Variants in KDM5C observed in about 807,000 individuals in gnomAD.
KDM5C encodes the protein lysine demethylase 5C.
In KDM5C, 16 loss-of-function variants were observed where a neutral mutation model predicts 110.6. The ratio of observed to expected loss-of-function variants is 0.14; its 90% CI spans 0.10 to 0.22. KDM5C has a LOEUF of 0.22. Among genes scored for constraint, KDM5C ranks in the 10% least tolerant of loss-of-function variants. The pLI is 1.00. For missense variants in KDM5C, 681 were observed against 1,300.9 expected, an observed-to-expected ratio of 0.52 and a Z score of 7.33; for synonymous variants, 511 against 520.4, an observed-to-expected ratio of 0.98 and a Z score of 0.24.
In KDM5C at chrX:53,195,414, A is replaced by C. The variant is rs1934761508; in HGVS notation, c.3121-4T>G. 4.2e-6 allele frequency: 5 copies of C among 1,199,747 alleles called. No homozygotes were observed. The African/African-American group carries it at 8.8e-5, about 21-fold the overall frequency. On this transcript the variant is annotated splice_region_variant and splice_polypyrimidine_tract_variant and intron_variant, in intron 20 of 25. Transcript: ENST00000375401. ...GGCAGGGGTAGTGGTCACCATTCTAAGGCCAAGGGCGAGAGACAGCTCAGT... is the reference window on the plus strand; with the variant it reads ...GGCAGGGGTAGTGGTCACCATTCTACGGCCAAGGGCGAGAGACAGCTCAGT...
In KDM5C at chrX:53,192,366, G is replaced by A. The variant is rs782530738; in HGVS notation, c.*601C>T. 1.6e-5 allele frequency: 3 copies of A among 183,555 alleles called. No homozygotes were observed. Among genetic ancestry groups the A allele is most frequent in the African/African-American group, 5.9e-5 (2 of 33,666 alleles). The allele number at this position is 183,555 out of a possible 1,213,427, so 15.1% of individuals were successfully genotyped here. ...GGGGAGGACAGGGAGGGAGGACTGA[G>A]GTGGTTGTGAGGACAAGCACCAAAA... On this transcript the variant is annotated 3_prime_UTR_variant, in exon 26 of 26. Coordinates refer to ENST00000375401, the MANE Select transcript of KDM5C (RefSeq NM_004187.5).
chrX:53,182,419 CAT>C (rs1262710938), intron 25 of KDM5C, among the ~76,000 whole-genome samples: 1 of 106,700 alleles, frequency 9.4e-6, no homozygotes, highest in Non-Finnish European at 1.9e-5. Context: ...CTATATATAA[CAT>C]AAAAATTTCT....
chrX:53,211,826 G>A lies in KDM5C; in HGVS notation c.1203C>T (p.Ala401=), dbSNP rs782716338. 7.0e-5 allele frequency: 85 copies of A among 1,209,147 alleles called. No individual in the cohort carries two copies. The highest frequency in any genetic ancestry group is 5.8e-4 in the South Asian group (33 of 56,612). ...EYTLQSFGEM[A]DSFKADYFNM... ...TGAAGTAGTCAGCTTTAAAGGAGTC[G>A]GCCATCTCGCCAAAGCTCTGCAGAG... Residue 401 remains alanine, a synonymous_variant, in exon 9 of 26, where the codon GCC becomes GCT. Coordinates refer to ENST00000375401, the MANE Select transcript of KDM5C (RefSeq NM_004187.5).
chrX:53,201,648 G>T lies in KDM5C; in HGVS notation c.1963C>A (p.Pro655Thr). 1 of 1,211,845 alleles carries T rather than the reference G, an allele frequency of 8.3e-7. No homozygotes were observed. The highest frequency in any genetic ancestry group is 1.1e-6 in the Non-Finnish European group (1 of 895,405). The change falls in exon 14 of 26, where the codon CCA (proline) becomes ACA (threonine). Residue 655 changes from proline (P) to threonine (T), a missense_variant. Physicochemically the swap from Pro to Thr is conservative, Grantham distance 38. Coordinates refer to ENST00000375401, the MANE Select transcript of KDM5C (RefSeq NM_004187.5). ...GCCAGGTTCAGGTCTAGCTTCTCTGGGCAGGCAGCCATCTTGCAGATAAGC... is the reference window on the plus strand; with the variant it reads ...GCCAGGTTCAGGTCTAGCTTCTCTGTGCAGGCAGCCATCTTGCAGATAAGC... ...EELICKMAAC[P>T]EKLDLNLAAA...
In KDM5C at chrX:53,193,856, G is replaced by A. The variant is rs782695628; in HGVS notation, c.4039-5C>T. The A allele has an allele frequency of 1.6e-5, 19 of 1,205,241 alleles. No individual in the cohort carries two copies. The highest frequency in any genetic ancestry group is 1.9e-5 in the Non-Finnish European group (17 of 889,946). On this transcript the variant is annotated splice_polypyrimidine_tract_variant and splice_region_variant and intron_variant, in intron 23 of 25. Transcript: ENST00000375401. ...ATTCTCCAGTAAGCCCTGGACCTGC[G>A]GAGGAGAGCAAGAATAGGTAGGGGC...
In KDM5C at chrX:53,196,586, G is replaced by A. The variant is rs1324845490; in HGVS notation, c.2981+100C>T. On this transcript the variant is annotated intron_variant, in intron 19 of 25. Transcript: ENST00000375401. ...GGAGAGTCAATACAGTAACACAGGA[G>A]CGTGATACCTAAGGCCACCCATGGG... The A allele has an allele frequency of 1.8e-5, 12 of 654,169 alleles. No individual in the cohort carries two copies. The Middle Eastern group carries it at 9.3e-4, about 50-fold the overall frequency. 53.9% of individuals were successfully genotyped at this position (654,169 alleles called of 1,213,427 possible). A position where few individuals can be genotyped will look rare whatever the true frequency, so the allele number is the denominator to read the frequency against.
rs1556840029 is a variant in KDM5C at position 53,198,800 on chromosome X, G to C, written c.2332C>G (p.Arg778Gly). Residue 778 changes from arginine (R) to glycine (G), a missense_variant, in exon 16 of 26, where the codon CGA becomes GGA. Physicochemically the swap from Arg to Gly is moderately radical, Grantham distance 125. Around this residue, in one of 14 missense-constraint regions of KDM5C, gnomAD observed 123 missense variants for 169.0 expected, o/e 0.73. Coordinates refer to ENST00000375401, the MANE Select transcript of KDM5C (RefSeq NM_004187.5). ...ESFDTWANKV[R>G]VALEVEDGRK... ...CCATCCTCCACCTCCAGGGCCACTC[G>C]CACTTTGTTGGCCCAGGTGTCAAAG... 1 of 1,211,993 alleles carries C rather than the reference G, an allele frequency of 8.3e-7. No homozygotes were observed. The highest frequency in any genetic ancestry group is 1.1e-6 in the Non-Finnish European group (1 of 895,471).
intron 4 of KDM5C, 143 bp downstream of exon 4, chrX:53,217,653 G>A: frequency 3.1e-6 from 2 of 648,350 alleles, no homozygotes; most frequent in African/African-American, 2.2e-5. Context: ...CCTGAGCAGT[G>A]TAGAAAGAGA....
At chrX:53,189,909 G>A (rs1423898565), downstream of KDM5C, among the ~76,000 whole-genome samples, 2 of 112,463 alleles carry the variant, frequency 1.8e-5, no homozygotes, top group African/African-American at 6.5e-5. Context: ...GGGAAGAAGG[G>A]TTCAGTTGGG....
chrX:53,194,597 G>C lies in KDM5C; in HGVS notation c.3580C>G (p.Leu1194Val). Residue 1194 changes from leucine (L) to valine (V), a missense_variant, in exon 23 of 26, where the codon CTG becomes GTG. Physicochemically the swap from Leu to Val is conservative, Grantham distance 32. This residue lies in a region of KDM5C where 48 missense variants were observed against 59.7 expected (regional missense o/e 0.80). Transcript: ENST00000375401. Reference sequence around the variant, plus strand: ...CACTGCAGAGCTCCCGCCCCAGCCAGCACCTGCCCACACACACAGATAGAG... The same window carrying C: ...CACTGCAGAGCTCCCGCCCCAGCCACCACCTGCCCACACACACAGATAGAG... ...TTSICVCGQV[L>V]AGAGALQCDL... The C allele has an allele frequency of 3.3e-6, 4 of 1,212,052 alleles. No homozygotes were observed. The highest frequency in any genetic ancestry group is 4.5e-6 in the Non-Finnish European group (4 of 895,478).
At chrX:53,205,920 T>C (rs1556844964) in intron 12 of KDM5C, among the ~76,000 whole-genome samples, 1 of 112,051 alleles carries the variant, frequency 8.9e-6, no homozygotes, top group Non-Finnish European at 1.9e-5. Flanking sequence ...ACAAGAAAAC[T>C]AAGTCTCAGA....
chrX:53,187,988 C>T (rs368549835), downstream of KDM5C, among the ~76,000 whole-genome samples: 30 of 110,146 alleles, frequency 2.7e-4, no homozygotes, highest in African/African-American at 8.9e-4. Flanking sequence ...ATGATTCGCC[C>T]GCCTCGGCCT....
chrX:53,195,643 T>A (rs368356585), intron 20 of KDM5C, among the ~76,000 whole-genome samples: 26 of 111,583 alleles, frequency 2.3e-4, no homozygotes, highest in African/African-American at 8.1e-4. Context: ...TCTTCTCCTC[T>A]CCTCCATGCC....
At chrX:53,189,959 C>G (rs1312087280), downstream of KDM5C, among the ~76,000 whole-genome samples, 1 of 112,837 alleles carries the variant, frequency 8.9e-6, no homozygotes, top group African/African-American at 3.2e-5. Flanking sequence ...GAAGTGATGT[C>G]TCTTTCCATC....
chrX:53,220,291 G>C (rs782699235), intron 2 of KDM5C, among the ~76,000 whole-genome samples: 23 of 111,700 alleles, frequency 2.1e-4, no homozygotes, highest in Non-Finnish European at 3.8e-4. Flanking sequence ...TTCCTGTACA[G>C]AACAAAAGGG....
chrX:53,197,455 C>T (rs2072990059), intron 18 of KDM5C, among the ~76,000 whole-genome samples: 1 of 110,403 alleles, frequency 9.1e-6, no homozygotes, highest in African/African-American at 3.3e-5. Flanking sequence ...CTCACTCCTC[C>T]TCCACCTTCA....
At chrX:53,186,892 T>C (rs1438699602), downstream of KDM5C, among the ~76,000 whole-genome samples, 2 of 112,165 alleles carry the variant, frequency 1.8e-5, no homozygotes, top group Non-Finnish European at 3.8e-5. Flanking sequence ...AGGACTGAAA[T>C]ATTATTGACA....
chrX:53,208,265 A>G (rs1433347943), intron 12 of KDM5C, among the ~76,000 whole-genome samples: 1 of 108,914 alleles, frequency 9.2e-6, no homozygotes, highest in African/African-American at 3.3e-5. Context: ...CTGGCCAGAG[A>G]AGATGATGAG....
rs368369923 is a variant in KDM5C, at chrX:53,193,617, C to T, written c.4137G>A (p.Ser1379=). Residue 1379 remains serine (S), a synonymous_variant, in exon 25 of 26, where the codon TCG becomes TCA. Coordinates refer to ENST00000375401, the MANE Select transcript of KDM5C (RefSeq NM_004187.5). ...SGKRDLELLS[S]LLPQLTGPVL... The stretch of plus-strand genomic sequence containing the variant: ...CAGGGCCAGTCAACTGTGGCAACAG[C>T]GAGGACAGCAGCTCCAGATCTAGGA... 2.3e-5 allele frequency: 28 copies of T among 1,210,247 alleles called. No individual in the cohort carries two copies. The highest frequency in any genetic ancestry group is 3.0e-5 in the Non-Finnish European group (27 of 895,158).
Sources: allele counts gnomAD v4.1 joint callset (sites outside exome capture counted in the v4.1 genomes callset), GRCh38; gene constraint gnomAD v4.1.1; regional missense constraint gnomAD v4.1.1; transcripts MANE v1.5; gene names NCBI Gene and HGNC (gene_info 2026-07-23, HGNC 2026-07-21).